DCAF5: variants seen among roughly 807,000 people sequenced by gnomAD.
DCAF5 encodes the protein DDB1 and CUL4 associated factor 5.
Under a neutral mutation model 80.7 loss-of-function variants are expected in DCAF5, and 9 were observed. The observed-to-expected ratio is 0.11, with a 90% CI of 0.07 to 0.19. DCAF5 has a LOEUF of 0.19. Among genes scored for constraint, DCAF5 ranks in the 10% least tolerant of loss-of-function variants. DCAF5 has a pLI of 1.00. For synonymous variants in DCAF5, 433 were observed against 461.9 expected, an observed-to-expected ratio of 0.94 and a Z score of 0.80; for missense variants, 842 against 1,205.7, an observed-to-expected ratio of 0.70 and a Z score of 4.47.
At chr14:69,072,986 G>A (rs1209592459) in intron 7 of DCAF5, among the ~76,000 whole-genome samples, 1 of 152,192 alleles carries the variant, frequency 6.6e-6, no homozygotes, top group Non-Finnish European at 1.5e-5. Flanking sequence ...GGGTTCTGTG[G>A]CCTCTAAAAA....
intron 2 of DCAF5, among the ~76,000 whole-genome samples, chr14:69,119,549 G>T: frequency 6.6e-6 from 1 of 150,728 alleles, no homozygotes. Context: ...CCATCTCTAT[G>T]AAAATAAAAA....
chr14:69,119,666 G>C lies in DCAF5; in HGVS notation c.359-436C>G, dbSNP rs935256579. Among the ~76,000 whole-genome samples, 9 of 148,464 alleles carry C rather than the reference G, an allele frequency of 6.1e-5. No individual in the cohort carries two copies. In the South Asian group the frequency reaches 8.5e-4, roughly 14 times the overall value. On this transcript the variant is annotated intron_variant, in intron 2 of 8. Transcript: ENST00000341516. ...GGAGTTCAAGGCTGCAGTGAGCTAC[G>C]ATCGCACTCCAGCCTGGGCAACAGA...
intron 6 of DCAF5, chr14:69,091,040 A>C: frequency 1.4e-6 from 1 of 729,884 alleles, no homozygotes; most frequent in Non-Finnish European, 2.5e-6. Context: ...AGGTGCAAGA[A>C]GGCCAAGTAT....
At chr14:69,056,108 T>C (rs544177397) in intron 8 of DCAF5, among the ~76,000 whole-genome samples, 13 of 152,246 alleles carry the variant, frequency 8.5e-5, no homozygotes, top group Non-Finnish European at 1.8e-4. Flanking sequence ...AGTTAATATC[T>C]GAGCCTATAG....
chr14:69,110,946 C>T (rs185457714), intron 5 of DCAF5, among the ~76,000 whole-genome samples: 78 of 146,220 alleles, frequency 5.3e-4, no homozygotes, highest in African/African-American at 1.9e-3. Flanking sequence ...TTAATGAAAT[C>T]CAATGTGTCA....
chr14:69,079,113 A>G (rs1406815765), intron 6 of DCAF5, among the ~76,000 whole-genome samples: 1 of 152,168 alleles, frequency 6.6e-6, no homozygotes, highest in Non-Finnish European at 1.5e-5. Flanking sequence ...AAACAAACAA[A>G]AAGTAATATT....
chr14:69,066,019 T>C (rs370180941), intron 7 of DCAF5, among the ~76,000 whole-genome samples: 1 of 152,044 alleles, frequency 6.6e-6, no homozygotes, highest in Non-Finnish European at 1.5e-5. Context: ...AAATACCACA[T>C]ACCCAGGAAA....
chr14:69,119,314 G>A (rs1245475956), intron 2 of DCAF5, 84 bp from the exon 3 acceptor site: 4 of 1,417,950 alleles, frequency 2.8e-6, no homozygotes, highest in Admixed American at 2.1e-5. Flanking sequence ...TAAGTTTTCA[G>A]GGAAAAAATA....
chr14:69,111,646 A>G (rs1440220769), intron 5 of DCAF5, among the ~76,000 whole-genome samples: 1 of 152,220 alleles, frequency 6.6e-6, no homozygotes, highest in Non-Finnish European at 1.5e-5. Context: ...TTCTCTAGAC[A>G]TTAGAGGATC....
chr14:69,076,012 G>T (rs1244691515), intron 6 of DCAF5, among the ~76,000 whole-genome samples: 1 of 151,826 alleles, frequency 6.6e-6, no homozygotes, highest in African/African-American at 2.4e-5. Flanking sequence ...TATACAAATG[G>T]CTAGTAAGTA....
At chr14:69,089,576 T>C (rs1390162092) in intron 6 of DCAF5, 1 of 152,348 alleles carries the variant, frequency 6.6e-6, no homozygotes, top group Non-Finnish European at 1.5e-5. Flanking sequence ...TTCAATACTT[T>C]TATAATTATA....
At chr14:69,121,225 T>C (rs1176247929) in intron 2 of DCAF5, among the ~76,000 whole-genome samples, 1 of 152,242 alleles carries the variant, frequency 6.6e-6, no homozygotes, top group African/African-American at 2.4e-5. Context: ...GTCCAGTCTT[T>C]ATTTTTAAAA....
At chr14:69,151,573 G>A (rs1055003218) in intron 1 of DCAF5, among the ~76,000 whole-genome samples, 1 of 152,150 alleles carries the variant, frequency 6.6e-6, no homozygotes, top group Admixed American at 6.5e-5. Flanking sequence ...AGCCAAGCAG[G>A]AACGCCCAAT....
At chr14:69,109,796 G>A (rs1940009663) in intron 5 of DCAF5, among the ~76,000 whole-genome samples, 1 of 152,142 alleles carries the variant, frequency 6.6e-6, no homozygotes, top group Admixed American at 6.5e-5. Flanking sequence ...TCCTGTACAT[G>A]TCTTTGGTGG....
intron 1 of DCAF5, among the ~76,000 whole-genome samples, chr14:69,123,978 G>A (rs150769361): frequency 6.0e-4 from 91 of 152,230 alleles, no homozygotes; most frequent in African/African-American, 2.0e-3. Flanking sequence ...GATTACAGGC[G>A]TGAATCACTG....
intron 4 of DCAF5, among the ~76,000 whole-genome samples, chr14:69,117,723 C>G (rs1336184478): frequency 6.6e-6 from 1 of 152,198 alleles, no homozygotes; most frequent in Non-Finnish European, 1.5e-5. Context: ...TATTTGCCAT[C>G]ATTTTAAGAT....
chr14:69,150,244 G>C (rs949228499), intron 1 of DCAF5, among the ~76,000 whole-genome samples: 1 of 147,564 alleles, frequency 6.8e-6, no homozygotes, highest in African/African-American at 2.6e-5. Flanking sequence ...GAGGGAGTAT[G>C]GGGGGAAGGA....
At chr14:69,082,571 G>A (rs890040272) in intron 6 of DCAF5, among the ~76,000 whole-genome samples, 3 of 152,154 alleles carry the variant, frequency 2.0e-5, no homozygotes, top group East Asian at 3.8e-4. Flanking sequence ...AGTGGCCAGC[G>A]TTACTTAAAG....
chr14:69,054,394 G>A lies in DCAF5; in HGVS notation c.2292C>T (p.Asp764=). The A allele has an allele frequency of 6.2e-7, 1 of 1,614,076 alleles. No individual in the cohort carries two copies. The highest frequency in any genetic ancestry group is 8.5e-7 in the Non-Finnish European group (1 of 1,180,038). The change falls in exon 9 of 9, where the codon GAC becomes GAT. Residue 764 remains aspartate, a synonymous_variant. Coordinates refer to ENST00000341516, the MANE Select transcript of DCAF5 (RefSeq NM_003861.3). ...WAEVPEGTSQ[D]TGNSGSVEHP... ...GCTCTACAGAGCCGCTATTGCCAGT[G>A]TCCTGAGAGGTACCCTCTGGCACCT...
Sources: allele counts gnomAD v4.1 joint callset (sites outside exome capture counted in the v4.1 genomes callset), GRCh38; gene constraint gnomAD v4.1.1; transcripts MANE v1.5; gene names NCBI Gene and HGNC (gene_info 2026-07-23, HGNC 2026-07-21).